Variants in NKAIN2 observed in about 807,000 individuals in gnomAD.
The protein encoded by NKAIN2 is sodium/potassium transporting ATPase interacting 2.
NKAIN2 carries 14 observed loss-of-function variants against 32.6 expected under a neutral mutation model. The observed-to-expected ratio is 0.43, with a 90% CI of 0.28 to 0.67. The LOEUF is 0.67. NKAIN2 is among the 30% of genes least tolerant of loss of function. The pLI is 0.17. For missense variants in NKAIN2, 198 were observed against 258.3 expected, an observed-to-expected ratio of 0.77 and a Z score of 1.60; for synonymous variants, 80 against 87.2, an observed-to-expected ratio of 0.92 and a Z score of 0.46.
At chr6:124,669,752 C>A (rs1245835693) in intron 4 of NKAIN2, among the ~76,000 whole-genome samples, 1 of 152,134 alleles carries the variant, frequency 6.6e-6, no homozygotes, top group Non-Finnish European at 1.5e-5. Context: ...AGATTCCCCA[C>A]ATTCTTTCAG....
intron 3 of NKAIN2, among the ~76,000 whole-genome samples, chr6:124,630,275 CT>C (rs1783513506): frequency 6.6e-6 from 1 of 151,974 alleles, no homozygotes; most frequent in Non-Finnish European, 1.5e-5. Context: ...TACTAATGTC[CT>C]CAGTCAAAGG....
chr6:124,245,908 A>G (rs1165210031), intron 1 of NKAIN2, among the ~76,000 whole-genome samples: 2 of 152,136 alleles, frequency 1.3e-5, no homozygotes, highest in Non-Finnish European at 2.9e-5. Context: ...AGTGGAACCA[A>G]GACATGGTGC....
At chr6:124,804,873 A>G (rs1046305408) in intron 5 of NKAIN2, among the ~76,000 whole-genome samples, 5 of 152,200 alleles carry the variant, frequency 3.3e-5, no homozygotes, top group Non-Finnish European at 5.9e-5. Flanking sequence ...TCCTATGCCC[A>G]CGGAGTCTCA....
intron 1 of NKAIN2, among the ~76,000 whole-genome samples, chr6:124,261,095 G>A (rs1213931115): frequency 6.6e-6 from 1 of 152,126 alleles, no homozygotes; most frequent in Non-Finnish European, 1.5e-5. Flanking sequence ...TGGAAAAATA[G>A]CATAAAAGAT....
chr6:123,967,646 A>AACATCACCCAATGTGAACTG (rs1778146169), intron 1 of NKAIN2, among the ~76,000 whole-genome samples: 1 of 152,170 alleles, frequency 6.6e-6, no homozygotes, highest in African/African-American at 2.4e-5. Context: ...AAGCCAATGT[A>AACATCACCCAATGTGAACTG]ACATCACCCA....
At chr6:124,711,826 G>C (rs1435057529) in intron 4 of NKAIN2, among the ~76,000 whole-genome samples, 2 of 152,186 alleles carry the variant, frequency 1.3e-5, no homozygotes, top group Non-Finnish European at 2.9e-5. Flanking sequence ...GCTCGTCAAA[G>C]TCATTCTCCA....
chr6:124,055,771 C>T (rs903140589), intron 1 of NKAIN2, among the ~76,000 whole-genome samples: 9 of 151,768 alleles, frequency 5.9e-5, no homozygotes. Context: ...TTGCCAGTTG[C>T]AGAAATTAAC....
intron 1 of NKAIN2, among the ~76,000 whole-genome samples, chr6:123,976,356 T>TTCCC (rs1562287632): frequency 3.5e-5 from 1 of 28,224 alleles, no homozygotes; most frequent in Non-Finnish European, 6.6e-5. Context: ...CCCATATATA[T>TTCCC]ATATATATAT....
At chr6:124,246,671 A>G (rs549887054) in intron 1 of NKAIN2, among the ~76,000 whole-genome samples, 2 of 152,166 alleles carry the variant, frequency 1.3e-5, no homozygotes, top group Admixed American at 6.6e-5. Context: ...GCCTAACACC[A>G]CAACCTATTG....
intron 3 of NKAIN2, among the ~76,000 whole-genome samples, chr6:124,488,019 T>C (rs1190229727): frequency 1.3e-5 from 2 of 152,132 alleles, no homozygotes; most frequent in Non-Finnish European, 2.9e-5. Flanking sequence ...CGGATAATAC[T>C]ACTCTAGAAA....
chr6:124,230,377 C>A (rs1166486552), intron 1 of NKAIN2, among the ~76,000 whole-genome samples: 1 of 152,112 alleles, frequency 6.6e-6, no homozygotes, highest in Non-Finnish European at 1.5e-5. Context: ...TGCAGCCTGA[C>A]AATGTGATAG....
chr6:124,220,688 A>G (rs1004280205), intron 1 of NKAIN2, among the ~76,000 whole-genome samples: 3 of 151,746 alleles, frequency 2.0e-5, no homozygotes, highest in Non-Finnish European at 4.4e-5. Flanking sequence ...ATTTTGCCCC[A>G]AATTATATAT....
chr6:124,215,115 C>A (rs955599453), intron 1 of NKAIN2, among the ~76,000 whole-genome samples: 1 of 151,948 alleles, frequency 6.6e-6, no homozygotes, highest in African/African-American at 2.4e-5. Context: ...AAACAATAAT[C>A]ATGGAACATA....
intron 3 of NKAIN2, among the ~76,000 whole-genome samples, chr6:124,613,814 G>A (rs1481050472): frequency 2.0e-5 from 3 of 151,984 alleles, no homozygotes; most frequent in Non-Finnish European, 4.4e-5. Flanking sequence ...AAAGGCAAAG[G>A]CTTGGTTGCC....
At chr6:124,089,183 A>G (rs567647401) in intron 1 of NKAIN2, among the ~76,000 whole-genome samples, 2 of 152,120 alleles carry the variant, frequency 1.3e-5, no homozygotes, top group South Asian at 4.2e-4. Context: ...ATAACAAGTT[A>G]GATGGTGTGG....
chr6:123,874,655 C>A (rs977857468), intron 1 of NKAIN2, among the ~76,000 whole-genome samples: 3 of 151,860 alleles, frequency 2.0e-5, no homozygotes, highest in African/African-American at 7.2e-5. Flanking sequence ...AATATTGGCT[C>A]TTATTAAAAT....
intron 1 of NKAIN2, among the ~76,000 whole-genome samples, chr6:124,188,803 A>G (rs909956207): frequency 1.6e-4 from 25 of 152,126 alleles, no homozygotes; most frequent in Admixed American, 1.1e-3. Flanking sequence ...CAGCCTTTTA[A>G]TGGCTCTCTG....
chr6:124,046,592 A>C (rs980670472), intron 1 of NKAIN2, among the ~76,000 whole-genome samples: 13 of 152,056 alleles, frequency 8.5e-5, no homozygotes, highest in Admixed American at 7.2e-4. Flanking sequence ...TGAATTAAGC[A>C]ATAAAGAGTT....
At chr6:124,790,332 T>C (rs1779692573) in intron 4 of NKAIN2, among the ~76,000 whole-genome samples, 1 of 152,100 alleles carries the variant, frequency 6.6e-6, no homozygotes. Context: ...AGGCTTGTCG[T>C]GGCGGTTCCT....
Sources: gnomAD v4.1 joint callset for allele counts (sites outside exome capture counted in the v4.1 genomes callset) on GRCh38, gnomAD v4.1.1 for gene constraint, MANE v1.5 for transcripts, NCBI Gene and HGNC (gene_info 2026-07-23, HGNC 2026-07-21) for gene names.